CFHR4: variants seen among roughly 807,000 people sequenced by gnomAD.
CFHR4 encodes complement factor H-related protein 4.
Under a neutral mutation model 69.3 loss-of-function variants are expected in CFHR4, and 64 were observed. The observed-to-expected ratio is 0.92, with a 90% confidence interval of 0.76 to 1.14. The LOEUF (loss-of-function observed/expected upper bound fraction) is 1.14, where lower values mean the gene tolerates loss of function less well. CFHR4 is among the 50% of genes most tolerant of loss of function. The probability of loss-of-function intolerance (pLI) is 0.00; values close to 1 mark genes in which losing one functional copy is unlikely to be tolerated. For synonymous variants in CFHR4, 244 were observed against 237.0 expected (o/e 1.03, Z -0.27); for missense variants, 636 against 684.9 (o/e 0.93, Z 0.80).
rs1185201339 is a variant in CFHR4 at position 196,910,274 on chromosome 1, T to C, written c.800-7T>C. 1 of 1,556,038 alleles carries C rather than the reference T, an allele frequency of 6.4e-7. No individual in the cohort carries two copies. Among genetic ancestry groups the C allele is most frequent in the Non-Finnish European group, 8.7e-7 (1 of 1,144,618 alleles). ...TTATTTATACTATTTTTGTTTTTTG[T>C]TACAAGCAATGAAACCTTGTGAGTT... On this transcript the variant is annotated splice_polypyrimidine_tract_variant and splice_region_variant and intron_variant, in intron 5 of 9. Transcript: ENST00000608469.
Position 196,914,671 on chromosome 1 carries a change from A to G in CFHR4, c.1357A>G (p.Asn453Asp). 2 of 1,593,794 alleles carry G rather than the reference A, an allele frequency of 1.3e-6. No homozygotes were observed. The highest frequency in any genetic ancestry group is 2.2e-5 in the East Asian group (1 of 44,526). ...GTGGTCCCATTTCCCAACATGTTAT[A>G]GTAAGTATTTTATTCAAGTATTTTT... Reference protein sequence around the residue: ...DGWSHFPTCYNSSEKCGPPPP... With the variant: ...DGWSHFPTCYDSSEKCGPPPP... The change falls in exon 8 of 10, where the codon AAT becomes GAT. Residue 453 changes from asparagine (N) to aspartate (D), a missense_variant and splice_region_variant. Physicochemically the swap from Asn to Asp is conservative, Grantham distance 23. Transcript: ENST00000608469.
Position 196,918,471 on chromosome 1 carries a change from G to A in CFHR4, c.*65G>A. On this transcript the variant is annotated 3_prime_UTR_variant, in exon 10 of 10. Transcript: ENST00000608469. ...TCTCACTCTTATGGTCTCAAAGCTT[G>A]CAAAGATAGCTTCTGATATTGTTGT... The A allele has an allele frequency of 7.0e-7, 1 of 1,430,586 alleles. No individual in the cohort carries two copies. The highest frequency in any genetic ancestry group is 1.8e-4 in the Middle Eastern group (1 of 5,690). 88.6% of individuals were successfully genotyped at this position (1,430,586 alleles called of 1,614,324 possible). A position where few individuals can be genotyped will look rare whatever the true frequency, so the allele number is the denominator to read the frequency against.
chr1:196,910,318 A>G lies in CFHR4; in HGVS notation c.837A>G (p.Gly279=). 3 of 1,603,836 alleles carry G rather than the reference A, an allele frequency of 1.9e-6. No homozygotes were observed. The highest frequency in any genetic ancestry group is 2.2e-5 in the South Asian group (2 of 89,492). The change falls in exon 6 of 10, where the codon GGA becomes GGG. Residue 279 remains glycine, a synonymous_variant. Coordinates refer to ENST00000608469, the MANE Select transcript of CFHR4 (RefSeq NM_001201550.3). ...KPCEFPEIQH[G]HLYYENTRRP... is the part of the protein sequence containing the mutation. The stretch of plus-strand genomic sequence containing the variant: ...GTGAGTTTCCAGAAATTCAACATGG[A>G]CATCTATATTATGAGAATACGCGTA...
chr1:196,892,270 A>T (rs1179520293), intron 1 of CFHR4, among the ~76,000 whole-genome samples: 1 of 151,564 alleles, frequency 6.6e-6, no homozygotes, highest in Non-Finnish European at 1.5e-5. Flanking sequence ...CAGATGAAGG[A>T]TCACTAATTT....
Position 196,905,158 on chromosome 1 carries a change from T to C in CFHR4, c.307T>C (p.Ser103Pro). The C allele has an allele frequency of 6.2e-7, 1 of 1,607,296 alleles. No homozygotes were observed. The highest frequency in any genetic ancestry group is 8.5e-7 in the Non-Finnish European group (1 of 1,177,112). ...AATTGAAAATGGATTCATTTCTGAA[T>C]CTTCCTCTATTTATATTTTAAATGA... ...VEIENGFISE[S>P]SSIYILNEET... Residue 103 changes from serine (S) to proline (P), a missense_variant, in exon 3 of 10, where the codon TCT becomes CCT. This residue lies in a region of CFHR4 where 529 missense variants were observed against 533.2 expected (regional missense o/e 0.99). Transcript: ENST00000608469.
intron 6 of CFHR4, among the ~76,000 whole-genome samples, chr1:196,912,212 C>T (rs182893719): frequency 2.6e-5 from 4 of 151,448 alleles, no homozygotes; most frequent in Admixed American, 1.3e-4. Flanking sequence ...TACATTTCCA[C>T]ATGCCTCTCA....
chr1:196,891,675 C>A (rs533214194), intron 1 of CFHR4, among the ~76,000 whole-genome samples: 3 of 145,332 alleles, frequency 2.1e-5, no homozygotes, highest in Non-Finnish European at 2.9e-5. Context: ...ATATTAATTT[C>A]TCTCATGTTT....
chr1:196,896,669 A>C (rs565646097), intron 1 of CFHR4, among the ~76,000 whole-genome samples: 1 of 151,542 alleles, frequency 6.6e-6, no homozygotes, highest in African/African-American at 2.4e-5. Context: ...CTAGGAGCTA[A>C]AATTGACTGA....
intron 2 of CFHR4, 78 bp downstream of exon 2, chr1:196,902,693 T>C: frequency 9.0e-7 from 1 of 1,112,366 alleles, no homozygotes; most frequent in African/African-American, 1.6e-5. Context: ...GATTATATTG[T>C]CTTATATAAC....
intron 2 of CFHR4, among the ~76,000 whole-genome samples, chr1:196,903,742 C>T (rs1242343351): frequency 2.6e-5 from 4 of 151,212 alleles, no homozygotes; most frequent in Non-Finnish European, 5.9e-5. Flanking sequence ...ACTAAATACA[C>T]ATTAAAGTAA....
intron 1 of CFHR4, among the ~76,000 whole-genome samples, chr1:196,896,453 G>A (rs34924297): frequency 0.2 from 30,302 of 151,416 alleles, 4,647 homozygotes; most frequent in African/African-American, 0.4. Context: ...AATGGAGAAA[G>A]CCGAAAAACA....
intron 2 of CFHR4, among the ~76,000 whole-genome samples, chr1:196,904,261 G>A (rs1308392714): frequency 6.6e-6 from 1 of 151,582 alleles, no homozygotes; most frequent in East Asian, 1.9e-4. Flanking sequence ...AGAGACTGGA[G>A]GAGATTAATC....
chr1:196,911,211 T>C (rs1160798647), intron 6 of CFHR4, among the ~76,000 whole-genome samples: 1 of 151,602 alleles, frequency 6.6e-6, no homozygotes, highest in Non-Finnish European at 1.5e-5. Context: ...AATAGAAGCC[T>C]AGCTAGCTTT....
chr1:196,916,411 C>A (rs1014768686), intron 9 of CFHR4, among the ~76,000 whole-genome samples: 1 of 151,890 alleles, frequency 6.6e-6, no homozygotes, highest in Non-Finnish European at 1.5e-5. Context: ...ACAAGCCGTT[C>A]TTTTCTGTGA....
intron 9 of CFHR4, among the ~76,000 whole-genome samples, chr1:196,915,840 A>G (rs1010883082): frequency 9.2e-5 from 14 of 151,460 alleles, no homozygotes; most frequent in African/African-American, 3.2e-4. Context: ...CACATTATTA[A>G]CACTGAGGTA....
intron 5 of CFHR4, among the ~76,000 whole-genome samples, chr1:196,907,975 A>G (rs1201570101): frequency 6.6e-6 from 1 of 151,482 alleles, no homozygotes; most frequent in Non-Finnish European, 1.5e-5. Context: ...CTATGCAGCC[A>G]TAAAAATGGA....
At chr1:196,914,449 C>G in intron 7 of CFHR4, 46 bp from the exon 8 acceptor site, 1 of 1,562,052 alleles carries the variant, frequency 6.4e-7, no homozygotes. Flanking sequence ...TTGAGTTGTG[C>G]ATCGTATGGC....
chr1:196,888,167 A>T lies in CFHR4; in HGVS notation c.17A>T (p.Asn6Ile). Reference protein sequence around the residue: MLLLINVILTLWVSCA... With the variant: MLLLIIVILTLWVSCA... ...ATATCTAACATGTTGTTACTAATCA[A>T]TGTCATTCTGACCTTGTGGGTTTCC... Residue 6 changes from asparagine (N) to isoleucine (I), a missense_variant, in exon 1 of 10, where the codon AAT becomes ATT. Coordinates refer to ENST00000608469, the MANE Select transcript of CFHR4 (RefSeq NM_001201550.3). 6.2e-7 allele frequency: 1 copy of T among 1,611,196 alleles called. No homozygotes were observed. Among genetic ancestry groups the T allele is most frequent in the Non-Finnish European group, 8.5e-7 (1 of 1,178,592 alleles).
At chr1:196,888,540 A>C (rs563912856) in intron 1 of CFHR4, among the ~76,000 whole-genome samples, 1 of 151,320 alleles carries the variant, frequency 6.6e-6, no homozygotes, top group South Asian at 2.1e-4. Flanking sequence ...AAATGTTCAG[A>C]ATTTTCTTAT....
Sources: allele counts gnomAD v4.1 joint callset (sites outside exome capture counted in the v4.1 genomes callset), GRCh38; gene constraint gnomAD v4.1.1; regional missense constraint gnomAD v4.1.1; transcripts MANE v1.5; gene names NCBI Gene and HGNC (gene_info 2026-07-23, HGNC 2026-07-21).